The following TULP4 variants were observed in gnomAD, a reference collection of about 807,000 sequenced individuals.
TULP4 encodes tubby-related protein 4.
Under a neutral mutation model 129.0 loss-of-function variants are expected in TULP4, and 16 were observed. The observed-to-expected ratio is 0.12, with a 90% confidence interval of 0.08 to 0.19. TULP4 has a LOEUF of 0.19. Among genes scored for constraint, TULP4 ranks in the 10% least tolerant of loss-of-function variants. TULP4 has a pLI of 1.00. For synonymous variants in TULP4, 998 were observed against 854.0 expected (o/e 1.17, Z -2.94); for missense variants, 1,842 against 2,059.1 (o/e 0.89, Z 2.04).
chr6:158,410,547 CA>C (rs1177424102), intron 1 of TULP4, among the ~76,000 whole-genome samples: 7 of 152,176 alleles, frequency 4.6e-5, no homozygotes, highest in African/African-American at 7.2e-5. Flanking sequence ...TTCTATTCCA[CA>C]GTGGCCATTC....
chr6:158,362,823 C>T (rs1429567339), intron 1 of TULP4, among the ~76,000 whole-genome samples: 3 of 103,556 alleles, frequency 2.9e-5, no homozygotes, highest in Non-Finnish European at 4.2e-5. Context: ...CGCCCTTAAT[C>T]CCAGCACTTT....
At chr6:158,239,321 C>G (rs1777801085) in intron 1 of TULP4, among the ~76,000 whole-genome samples, 1 of 56,180 alleles carries the variant, frequency 1.8e-5, no homozygotes, top group African/African-American at 5.8e-5. Flanking sequence ...GGCAGAGGCG[C>G]CCCTCACCTC....
intron 1 of TULP4, among the ~76,000 whole-genome samples, chr6:158,274,776 C>CAAAAACA (rs1049951814): frequency 3.9e-5 from 6 of 151,922 alleles, no homozygotes; most frequent in African/African-American, 1.2e-4. Context: ...GACTCCGTCT[C>CAAAAACA]AAAAACAAAA....
At chr6:158,244,363 T>C (rs1777986530) in intron 1 of TULP4, among the ~76,000 whole-genome samples, 1 of 152,178 alleles carries the variant, frequency 6.6e-6, no homozygotes, top group South Asian at 2.1e-4. Flanking sequence ...ATAAATAGAA[T>C]TCAGAGCTAA....
At chr6:158,311,734 G>A (rs762509070), upstream of TULP4, among the ~76,000 whole-genome samples, 20 of 152,138 alleles carry the variant, frequency 1.3e-4, no homozygotes, top group African/African-American at 3.6e-4. Context: ...TCTCACATTC[G>A]GAGTTCAGTC....
In TULP4 at chr6:158,394,853, A is replaced by ATT. The variant is rs1382848870; in HGVS notation, c.253-18210_253-18209dup. ...GCAGGGTAATTTATGAAGAAAAGAG[A>ATT]TTTAATTGCCTCACAATTCCACAGG... On this transcript the variant is annotated intron_variant, in intron 1 of 13. Coordinates refer to ENST00000367097, the MANE Select transcript of TULP4 (RefSeq NM_020245.5). 4.7e-5 allele frequency among the ~76,000 whole-genome samples: 7 copies of ATT among 150,014 alleles called. No homozygotes were observed. The East Asian group carries it at 1.4e-3, about 30-fold the overall frequency.
intron 2 of TULP4, among the ~76,000 whole-genome samples, chr6:158,416,100 G>C (rs911119662): frequency 6.6e-6 from 1 of 152,248 alleles, no homozygotes; most frequent in African/African-American, 2.4e-5. Context: ...GCACGGGAGA[G>C]AGATGAAGGC....
At chr6:158,309,310 C>T (rs1353268750), upstream of TULP4, among the ~76,000 whole-genome samples, 2 of 141,846 alleles carry the variant, frequency 1.4e-5, no homozygotes, top group Admixed American at 7.0e-5. Flanking sequence ...GGGGCAGAGG[C>T]GCTCCCCACA....
intron 6 of TULP4, among the ~76,000 whole-genome samples, chr6:158,464,492 C>G (rs999959452): frequency 2.6e-5 from 4 of 152,154 alleles, no homozygotes; most frequent in Middle Eastern, 3.2e-3. Flanking sequence ...TGCAACACCC[C>G]CCGCCGCAAG....
intron 1 of TULP4, among the ~76,000 whole-genome samples, chr6:158,301,051 G>A (rs1342788057): frequency 3.3e-5 from 5 of 152,172 alleles, no homozygotes; most frequent in Admixed American, 6.5e-5. Flanking sequence ...GGGTGTCTAC[G>A]TTGGCGAACC....
At chr6:158,299,210 G>C (rs186688621) in intron 1 of TULP4, among the ~76,000 whole-genome samples, 75 of 152,242 alleles carry the variant, frequency 4.9e-4, no homozygotes, top group Non-Finnish European at 9.4e-4. Context: ...TGCCAAGTAG[G>C]ATGATGATCC....
At chr6:158,252,257 C>G (rs1190908951) in intron 1 of TULP4, among the ~76,000 whole-genome samples, 1 of 149,846 alleles carries the variant, frequency 6.7e-6, no homozygotes, top group Non-Finnish European at 1.5e-5. Flanking sequence ...TCAAACCTAT[C>G]GATCTTTTTT....
chr6:158,473,676 G>A (rs1483480917), intron 6 of TULP4, among the ~76,000 whole-genome samples: 2 of 148,476 alleles, frequency 1.3e-5, no homozygotes, highest in Non-Finnish European at 3.0e-5. Flanking sequence ...GTGCCACCAC[G>A]CCCGGCTAAT....
rs1302600757 is a variant in TULP4 at position 158,507,741 on chromosome 6, A to G, written c.*1047A>G. 1 of 152,216 alleles carries G rather than the reference A, an allele frequency of 6.6e-6. No homozygotes were observed. Among genetic ancestry groups the G allele is most frequent in the Non-Finnish European group, 1.5e-5 (1 of 68,034 alleles). 9.4% of individuals were successfully genotyped at this position (152,216 alleles called of 1,614,324 possible). Reference sequence around the variant, plus strand: ...ACCATGTTCTATGCCTTCCCATTCTAAAAGTGTGGACAACGCTTGATTTGA... The same window carrying G: ...ACCATGTTCTATGCCTTCCCATTCTGAAAGTGTGGACAACGCTTGATTTGA... On this transcript the variant is annotated 3_prime_UTR_variant, in exon 14 of 14. Coordinates refer to ENST00000367097, the MANE Select transcript of TULP4 (RefSeq NM_020245.5).
chr6:158,251,771 G>C (rs1363448581), intron 1 of TULP4, among the ~76,000 whole-genome samples: 1 of 152,322 alleles, frequency 6.6e-6, no homozygotes, highest in East Asian at 1.9e-4. Flanking sequence ...TTTGAGTCTA[G>C]TTTTGACAGT....
intron 5 of TULP4, among the ~76,000 whole-genome samples, chr6:158,454,326 TC>T (rs1201935313): frequency 1.3e-5 from 2 of 152,186 alleles, no homozygotes; most frequent in Non-Finnish European, 2.9e-5. Context: ...CAACATTAAT[TC>T]CTAATGTATT....
chr6:158,328,867 A>AC (rs1779809293), intron 1 of TULP4, among the ~76,000 whole-genome samples: 1 of 152,182 alleles, frequency 6.6e-6, no homozygotes, highest in South Asian at 2.1e-4. Context: ...TGGGCCTTCA[A>AC]CAGCGAGGGT....
chr6:158,484,973 G>T (rs145427770), intron 8 of TULP4, among the ~76,000 whole-genome samples: 8 of 152,250 alleles, frequency 5.3e-5, no homozygotes, highest in African/African-American at 1.9e-4. Flanking sequence ...AGAAGCTTTG[G>T]AACTGGGTAA....
chr6:158,280,440 T>C (rs1343602107), upstream of TULP4, among the ~76,000 whole-genome samples: 1 of 152,270 alleles, frequency 6.6e-6, no homozygotes, highest in African/African-American at 2.4e-5. Flanking sequence ...AGTGGCTACC[T>C]GAATATAGAT....
Sources: gnomAD v4.1 joint callset for allele counts (sites outside exome capture counted in the v4.1 genomes callset) on GRCh38, gnomAD v4.1.1 for gene constraint, MANE v1.5 for transcripts, NCBI Gene and HGNC (gene_info 2026-07-23, HGNC 2026-07-21) for gene names.